The following ANKS1B variants were observed in gnomAD, a reference collection of about 807,000 sequenced individuals.
ANKS1B encodes the protein ankyrin repeat and sterile alpha motif domain containing 1B, also known as ankyrin repeat and sterile alpha motif domain-containing protein 1B.
A neutral mutation model predicts 148.3 loss-of-function variants in ANKS1B; 36 were observed. That is an observed-to-expected ratio of 0.24 (90% CI 0.19 to 0.32). The LOEUF (loss-of-function observed/expected upper bound fraction) is 0.32, where lower values mean the gene tolerates loss of function less well. Ranked by LOEUF, ANKS1B falls within the 10% of genes least tolerant of loss-of-function variation. The probability of loss-of-function intolerance (pLI) is 1.00; values close to 1 mark genes in which losing one functional copy is unlikely to be tolerated. For missense variants in ANKS1B, 1,157 were observed against 1,542.6 expected (o/e 0.75, Z 4.19); for synonymous variants, 542 against 560.8 (o/e 0.97, Z 0.47).
chr12:99,753,390 T>G (rs556487283), intron 8 of ANKS1B, among the ~76,000 whole-genome samples: 13 of 152,074 alleles, frequency 8.5e-5, no homozygotes, highest in Non-Finnish European at 1.8e-4. Context: ...GAAATATCAT[T>G]GGATAAGGAG....
chr12:99,291,056 A>G (rs1415958806), intron 12 of ANKS1B, among the ~76,000 whole-genome samples: 1 of 152,124 alleles, frequency 6.6e-6, no homozygotes. Flanking sequence ...GGCAAGATAC[A>G]AAACCAACAT....
chr12:98,749,408 A>C (rs1262973913), intron 26 of ANKS1B, among the ~76,000 whole-genome samples: 1 of 152,094 alleles, frequency 6.6e-6, no homozygotes, highest in African/African-American at 2.4e-5. Context: ...TGCCCGGCCC[A>C]AAACTTAGAT....
intron 1 of ANKS1B, among the ~76,000 whole-genome samples, chr12:99,857,308 A>G (rs1471320427): frequency 2.0e-5 from 3 of 152,140 alleles, no homozygotes; most frequent in Non-Finnish European, 2.9e-5. Context: ...ATAAAATAAA[A>G]TATTTAGGAA....
At chr12:99,195,122 T>C (rs1299049246) in intron 14 of ANKS1B, among the ~76,000 whole-genome samples, 2 of 152,156 alleles carry the variant, frequency 1.3e-5, no homozygotes, top group Admixed American at 1.3e-4. Flanking sequence ...TTTAAATATC[T>C]TTACTATATA....
At position 99,470,114 on chromosome 12, in the gene ANKS1B, C is replaced by CTAATAA. The variant is rs369653175; in HGVS notation, c.1439-26311_1439-26306dup. On this transcript the variant is annotated intron_variant, in intron 10 of 26. Coordinates refer to ENST00000683438, the MANE Select transcript of ANKS1B (RefSeq NM_001352186.2). ...AGCCTAGGTAACAGAGACTCTGTCT[C>CTAATAA]TAATAATAATAATAATAATAATAAT... Among the ~76,000 whole-genome samples the CTAATAA allele has an allele frequency of 2.6e-3, 383 of 148,088 alleles. 2 individuals are homozygous for CTAATAA. Among genetic ancestry groups the CTAATAA allele is most frequent in the African/African-American group, 5.2e-3 (211 of 40,192 alleles).
chr12:99,132,921 G>A (rs1191644265), intron 15 of ANKS1B, among the ~76,000 whole-genome samples: 1 of 152,010 alleles, frequency 6.6e-6, no homozygotes, highest in Non-Finnish European at 1.5e-5. Context: ...ATGGGTCTTG[G>A]AGCTGGAAAC....
At chr12:99,320,978 C>G (rs749186474) in intron 12 of ANKS1B, among the ~76,000 whole-genome samples, 3 of 152,106 alleles carry the variant, frequency 2.0e-5, no homozygotes, top group South Asian at 2.1e-4. Flanking sequence ...CACTCCAGAC[C>G]CTGTTTGCCT....
intron 20 of ANKS1B, among the ~76,000 whole-genome samples, chr12:98,802,348 G>A (rs2099010579): frequency 6.6e-6 from 1 of 152,096 alleles, no homozygotes; most frequent in African/African-American, 2.4e-5. Context: ...CAAAATTTTG[G>A]ATGCAGTTGT....
intron 2 of ANKS1B, among the ~76,000 whole-genome samples, chr12:99,822,413 TGAG>T (rs1419319208): frequency 1.3e-5 from 2 of 152,210 alleles, no homozygotes; most frequent in Non-Finnish European, 2.9e-5. Context: ...ACCTTGATAC[TGAG>T]GATAGTACCC....
intron 1 of ANKS1B, among the ~76,000 whole-genome samples, chr12:99,952,503 A>C (rs1603485205): frequency 6.6e-6 from 1 of 152,166 alleles, no homozygotes; most frequent in East Asian, 1.9e-4. Context: ...ATCTTCTCTT[A>C]TTACTCTAAT....
intron 10 of ANKS1B, among the ~76,000 whole-genome samples, chr12:99,483,973 T>C (rs143635154): frequency 2.0e-5 from 3 of 152,052 alleles, no homozygotes; most frequent in African/African-American, 7.2e-5. Context: ...TAATCTCTTA[T>C]ATTTATTTGT....
intron 8 of ANKS1B, among the ~76,000 whole-genome samples, chr12:99,746,211 A>G (rs2060578100): frequency 6.6e-6 from 1 of 152,200 alleles, no homozygotes; most frequent in African/African-American, 2.4e-5. Flanking sequence ...ATAAGAAGCT[A>G]TTTCCACACA....
rs1307197463 is a variant in ANKS1B at position 99,047,070 on chromosome 12, GT to G, written c.2778+6086del. On this transcript the variant is annotated intron_variant, in intron 17 of 26. Transcript: ENST00000683438. Reference sequence around the variant, plus strand: ...ATGACCTAATACTGATGTATTTGGGGTTTCCAAATGAGAGGAGAAATAAGGT... The same window carrying G: ...ATGACCTAATACTGATGTATTTGGGGTTCCAAATGAGAGGAGAAATAAGGT... 5.9e-5 allele frequency among the ~76,000 whole-genome samples: 9 copies of G among 152,226 alleles called. No homozygotes were observed. The East Asian group carries it at 1.7e-3, about 29-fold the overall frequency.
At chr12:98,884,906 A>G (rs2099735894) in intron 17 of ANKS1B, among the ~76,000 whole-genome samples, 1 of 152,084 alleles carries the variant, frequency 6.6e-6, no homozygotes, top group Admixed American at 6.5e-5. Context: ...AGTAGACCCA[A>G]TGATCTGCTT....
In ANKS1B at chr12:99,980,156, G is replaced by GA. The variant is rs879875088; in HGVS notation, c.134+3947dup. ...AGGGGACCTGGCTTCACAGGTCATT[G>GA]AAAAAAAAAAATACCAGGAAATTTT... On this transcript the variant is annotated intron_variant, in intron 1 of 26. Coordinates refer to ENST00000683438, the MANE Select transcript of ANKS1B (RefSeq NM_001352186.2). 9.4e-3 allele frequency among the ~76,000 whole-genome samples: 1,359 copies of GA among 145,106 alleles called. 21 individuals carry two copies. The highest frequency in any genetic ancestry group is 0.032 in the African/African-American group (1,265 of 39,888).
At chr12:99,768,221 T>G (rs895387938) in intron 8 of ANKS1B, among the ~76,000 whole-genome samples, 1 of 152,214 alleles carries the variant, frequency 6.6e-6, no homozygotes, top group Non-Finnish European at 1.5e-5. Flanking sequence ...TCATATCCTA[T>G]GAAATTAAAT....
chr12:99,731,023 A>G (rs7131885), intron 8 of ANKS1B, among the ~76,000 whole-genome samples: 102,044 of 151,992 alleles, frequency 0.67, 34,354 homozygotes, highest in Non-Finnish European at 0.7. Context: ...TGCAACCTCC[A>G]CCTCCCAGGC....
intron 12 of ANKS1B, among the ~76,000 whole-genome samples, chr12:99,300,900 T>C (rs763813312): frequency 6.6e-6 from 1 of 152,122 alleles, no homozygotes; most frequent in Non-Finnish European, 1.5e-5. Flanking sequence ...ATAGGCTATA[T>C]AGAGATATAA....
At chr12:99,596,295 C>T (rs963176326) in intron 9 of ANKS1B, among the ~76,000 whole-genome samples, 2 of 151,808 alleles carry the variant, frequency 1.3e-5, no homozygotes, top group African/African-American at 4.8e-5. Flanking sequence ...CTCATGGTAT[C>T]ATCAATCCTT....
Sources: gnomAD v4.1 joint callset for allele counts (sites outside exome capture counted in the v4.1 genomes callset) on GRCh38, gnomAD v4.1.1 for gene constraint, MANE v1.5 for transcripts, NCBI Gene and HGNC (gene_info 2026-07-23, HGNC 2026-07-21) for gene names.